Variants in SPOCK1 observed in about 807,000 individuals in gnomAD.
The protein encoded by SPOCK1 is testican-1.
SPOCK1 carries 23 observed loss-of-function variants against 55.3 expected under a neutral mutation model. The observed-to-expected ratio is 0.42, with a 90% confidence interval of 0.30 to 0.59. SPOCK1 has a LOEUF of 0.59. Ranked by LOEUF, SPOCK1 falls within the 20% of genes least tolerant of loss-of-function variation. The pLI is 0.22. For synonymous variants in SPOCK1, 226 were observed against 221.0 expected (o/e 1.02, Z -0.20); for missense variants, 499 against 552.5 (o/e 0.90, Z 0.97).
At chr5:137,182,796 A>C (rs1754993735) in intron 3 of SPOCK1, among the ~76,000 whole-genome samples, 1 of 152,170 alleles carries the variant, frequency 6.6e-6, no homozygotes, top group Non-Finnish European at 1.5e-5. Flanking sequence ...TGGCCACAGT[A>C]CCATCAGGCT....
At chr5:137,110,906 T>C (rs1422928651) in intron 5 of SPOCK1, among the ~76,000 whole-genome samples, 3 of 152,072 alleles carry the variant, frequency 2.0e-5, no homozygotes, top group African/African-American at 7.2e-5. Context: ...CTAAAGCAGA[T>C]CCCATGGGTC....
intron 3 of SPOCK1, among the ~76,000 whole-genome samples, chr5:137,222,964 G>A (rs566875038): frequency 4.7e-5 from 7 of 149,324 alleles, no homozygotes; most frequent in African/African-American, 1.7e-4. Flanking sequence ...AGGCAATTAG[G>A]AAAAAAAAAT....
intron 6 of SPOCK1, among the ~76,000 whole-genome samples, chr5:137,029,777 T>G (rs542242947): frequency 6.6e-6 from 1 of 152,282 alleles, no homozygotes; most frequent in Admixed American, 6.5e-5. Context: ...GAAGGATAGT[T>G]TAAGGCCAAG....
At chr5:137,390,070 C>T (rs940927875) in intron 2 of SPOCK1, among the ~76,000 whole-genome samples, 1 of 152,144 alleles carries the variant, frequency 6.6e-6, no homozygotes, top group Non-Finnish European at 1.5e-5. Flanking sequence ...TAAAAATTCC[C>T]ATGTCTTTGT....
At chr5:137,153,816 C>T (rs765896420) in intron 3 of SPOCK1, among the ~76,000 whole-genome samples, 3 of 151,348 alleles carry the variant, frequency 2.0e-5, no homozygotes, top group Non-Finnish European at 4.4e-5. Context: ...CATGATCACA[C>T]CACTGCACTC....
At chr5:137,221,504 C>T (rs1019757528) in intron 3 of SPOCK1, among the ~76,000 whole-genome samples, 3 of 152,084 alleles carry the variant, frequency 2.0e-5, no homozygotes, top group Non-Finnish European at 2.9e-5. Context: ...GCCTCATCTC[C>T]GGGTGTCGAA....
chr5:137,463,856 G>A (rs1242720485), intron 2 of SPOCK1, among the ~76,000 whole-genome samples: 2 of 152,204 alleles, frequency 1.3e-5, no homozygotes, highest in African/African-American at 4.8e-5. Flanking sequence ...ACTGAGGCAA[G>A]AGAATCACTT....
chr5:137,220,727 C>G (rs1349796325), intron 3 of SPOCK1, among the ~76,000 whole-genome samples: 1 of 152,198 alleles, frequency 6.6e-6, no homozygotes, highest in South Asian at 2.1e-4. Flanking sequence ...CACTGCTCAG[C>G]AGGCACTGAG....
intron 2 of SPOCK1, among the ~76,000 whole-genome samples, chr5:137,398,420 C>G: frequency 6.6e-6 from 1 of 152,194 alleles, no homozygotes; most frequent in East Asian, 1.9e-4. Flanking sequence ...GTGATTGTAT[C>G]TGGCATTAAG....
intron 3 of SPOCK1, among the ~76,000 whole-genome samples, chr5:137,197,520 A>G (rs1163394533): frequency 6.6e-6 from 1 of 152,178 alleles, no homozygotes; most frequent in Non-Finnish European, 1.5e-5. Flanking sequence ...TAAATAAGAT[A>G]ATGTGTGTGA....
chr5:137,015,328 T>A (rs2126976884), intron 6 of SPOCK1, among the ~76,000 whole-genome samples: 1 of 150,596 alleles, frequency 6.6e-6, no homozygotes, highest in East Asian at 1.9e-4. Context: ...TGGGCACCTG[T>A]AGTCCCAGCT....
At chr5:136,983,619 C>CAAAAAAAAAAAAAAAAAAAAAAAAAAA (rs11364379) in intron 9 of SPOCK1, among the ~76,000 whole-genome samples, 1 of 135,342 alleles carries the variant, frequency 7.4e-6, no homozygotes, top group Non-Finnish European at 1.6e-5. Flanking sequence ...CTCCTTGGAC[C>CAAAAAAAAAAAAAAAAAAAAAAAAAAA]AAAAAAAAAA....
intron 6 of SPOCK1, among the ~76,000 whole-genome samples, chr5:137,056,012 A>T (rs1255322621): frequency 6.6e-6 from 1 of 152,234 alleles, no homozygotes; most frequent in Non-Finnish European, 1.5e-5. Context: ...GACCACCAAA[A>T]TCTCAAGTAC....
At chr5:137,357,626 G>A (rs1163160969) in intron 2 of SPOCK1, among the ~76,000 whole-genome samples, 3 of 152,144 alleles carry the variant, frequency 2.0e-5, no homozygotes, top group Admixed American at 6.5e-5. Context: ...TATGGGGAAC[G>A]GCAAGCAGGT....
At chr5:137,498,297 CA>C (rs1164684390) in intron 2 of SPOCK1, 75 bp downstream of exon 2, 39 of 1,395,140 alleles carry the variant, frequency 2.8e-5, no homozygotes, top group South Asian at 7.3e-5. Flanking sequence ...CACACACACA[CA>C]CACCCCAACC....
At chr5:137,462,693 T>C (rs537136189) in intron 2 of SPOCK1, among the ~76,000 whole-genome samples, 2 of 152,344 alleles carry the variant, frequency 1.3e-5, no homozygotes, top group African/African-American at 4.8e-5. Flanking sequence ...AGCAGGGGCT[T>C]AATAAATGTA....
intron 2 of SPOCK1, among the ~76,000 whole-genome samples, chr5:137,492,114 T>C (rs1006329264): frequency 3.3e-5 from 5 of 152,112 alleles, no homozygotes; most frequent in African/African-American, 1.2e-4. Flanking sequence ...CCTTCTACCA[T>C]CCATCAACAG....
intron 2 of SPOCK1, among the ~76,000 whole-genome samples, chr5:137,420,754 G>A (rs1242303582): frequency 6.6e-6 from 1 of 152,070 alleles, no homozygotes; most frequent in Admixed American, 6.6e-5. Flanking sequence ...CCAGCTCCTG[G>A]GTTCATTGAT....
chr5:137,186,244 T>C (rs1755066315), intron 3 of SPOCK1, among the ~76,000 whole-genome samples: 1 of 152,216 alleles, frequency 6.6e-6, no homozygotes, highest in African/African-American at 2.4e-5. Context: ...GTACTGCTGA[T>C]CATTGAGATA....
Sources: allele counts gnomAD v4.1 joint callset (sites outside exome capture counted in the v4.1 genomes callset), GRCh38; gene constraint gnomAD v4.1.1; transcripts MANE v1.5; gene names NCBI Gene and HGNC (gene_info 2026-07-23, HGNC 2026-07-21).